The following LNX1 variants were observed in gnomAD, a reference collection of about 807,000 sequenced individuals.
LNX1 encodes E3 ubiquitin-protein ligase LNX.
In LNX1, 54 loss-of-function variants were observed where a neutral mutation model predicts 68.4. The ratio of observed to expected loss-of-function variants is 0.79; its 90% CI spans 0.63 to 0.99. The LOEUF (loss-of-function observed/expected upper bound fraction) is 0.99, where lower values mean the gene tolerates loss of function less well. Among genes scored for constraint, LNX1 ranks in the 50% least tolerant of loss-of-function variants. The pLI, the probability that LNX1 is intolerant of heterozygous loss-of-function variation, is 0.00. For synonymous variants in LNX1, 336 were observed against 350.0 expected, an observed-to-expected ratio of 0.96 and a Z score of 0.45; for missense variants, 906 against 926.4, an observed-to-expected ratio of 0.98 and a Z score of 0.29.
chr4:53,509,719 T>C (rs1410028455), intron 2 of LNX1, among the ~76,000 whole-genome samples: 1 of 152,216 alleles, frequency 6.6e-6, no homozygotes, highest in African/African-American at 2.4e-5. Flanking sequence ...TTTCCATATT[T>C]TGTACATCCT....
intron 2 of LNX1, among the ~76,000 whole-genome samples, chr4:53,528,680 AG>A (rs33929475): frequency 0.71 from 108,078 of 151,458 alleles, 40,763 homozygotes; most frequent in Non-Finnish European, 0.82. Context: ...CCTGTGGATA[AG>A]GGGGGGACTA....
intron 2 of LNX1, among the ~76,000 whole-genome samples, chr4:53,573,298 A>G (rs533240651): frequency 6.6e-6 from 1 of 152,274 alleles, no homozygotes; most frequent in South Asian, 2.1e-4. Flanking sequence ...AAGATGAAAA[A>G]TTTCTAGAGA....
At chr4:53,517,919 CG>C (rs749914732) in intron 2 of LNX1, among the ~76,000 whole-genome samples, 4 of 151,940 alleles carry the variant, frequency 2.6e-5, no homozygotes, top group Non-Finnish European at 4.4e-5. Context: ...GAATGGCCCT[CG>C]CCCCAGAGGA....
At chr4:53,527,382 C>T (rs894370470) in intron 2 of LNX1, among the ~76,000 whole-genome samples, 1 of 152,164 alleles carries the variant, frequency 6.6e-6, no homozygotes, top group Non-Finnish European at 1.5e-5. Flanking sequence ...TGGTGTGATG[C>T]TCCCTATATG....
At chr4:53,565,221 G>GACTTCTGCTGTCTTTGCAGACT (rs1283127286) in intron 2 of LNX1, among the ~76,000 whole-genome samples, 8 of 152,142 alleles carry the variant, frequency 5.3e-5, no homozygotes, top group Non-Finnish European at 1.0e-4. Context: ...AAAGACAGCA[G>GACTTCTGCTGTCTTTGCAGACT]TAACCTCTGC....
intron 2 of LNX1, chr4:53,523,237 A>G (rs190449864): frequency 6.6e-6 from 1 of 152,304 alleles, no homozygotes; most frequent in East Asian, 1.9e-4. Context: ...AGAATGTTCT[A>G]TTTTGAATTG....
rs545667438 is a variant in LNX1, at chr4:53,614,878, T to A, written c.-215+1639A>T. On this transcript the variant is annotated intron_variant, in intron 2 of 3. Coordinates refer to the LNX1 transcript ENST00000504299. ...CCAGGTGCAGGGAGGACTCCAGAGG[T>A]GTGGCCTGACCTCAGAATCTGGCTC... 1.0e-3 allele frequency among the ~76,000 whole-genome samples: 152 copies of A among 152,224 alleles called. 1 individual carries two copies. Among genetic ancestry groups the A allele is most frequent in the Non-Finnish European group, 1.4e-3 (94 of 68,004 alleles).
intron 2 of LNX1, among the ~76,000 whole-genome samples, chr4:53,570,017 G>C (rs1471611811): frequency 2.0e-5 from 3 of 152,190 alleles, no homozygotes; most frequent in African/African-American, 7.2e-5. Flanking sequence ...GGAAAGAACA[G>C]GTGGTGGAGA....
rs1441676944 is a variant in LNX1, at chr4:53,481,821, G to A, written c.1384C>T (p.Arg462Cys). 3.7e-6 allele frequency: 6 copies of A among 1,611,750 alleles called. No individual in the cohort carries two copies. Among genetic ancestry groups the A allele is most frequent in the East Asian group, 2.2e-5 (1 of 44,708 alleles). The change falls in exon 7 of 11, where the codon CGC (arginine) becomes TGC (cysteine). Residue 462 changes from arginine (R) to cysteine (C), a missense_variant. Arg to Cys is a radical substitution (Grantham distance 180). Coordinates refer to ENST00000263925, the MANE Select transcript of LNX1 (RefSeq NM_001126328.3). ...TCAGGGCTCCGCTGCCGAACCTGGC[G>A]GGACACGACGAGGTGAACACGTCTT... ...SERRVHLVVS[R>C]QVRQRSPDIF...
At chr4:53,469,497 G>A (rs1378249792) in intron 9 of LNX1, among the ~76,000 whole-genome samples, 4 of 152,146 alleles carry the variant, frequency 2.6e-5, no homozygotes, top group Non-Finnish European at 4.4e-5. Flanking sequence ...GATCAGAGCA[G>A]AACTGAAGAA....
intron 9 of LNX1, among the ~76,000 whole-genome samples, chr4:53,469,350 G>C (rs1722966054): frequency 6.6e-6 from 1 of 152,142 alleles, no homozygotes; most frequent in Non-Finnish European, 1.5e-5. Flanking sequence ...AGTGTGTAAA[G>C]GGAAATTTAT....
At chr4:53,477,051 G>A in intron 8 of LNX1, 70 bp from the exon 9 acceptor site, 1 of 1,310,422 alleles carries the variant, frequency 7.6e-7, no homozygotes, top group Non-Finnish European at 1.1e-6. Flanking sequence ...AAAGTGCAAG[G>A]GGATAGGGGC....
chr4:53,477,073 G>A, intron 8 of LNX1, 92 bp from the exon 9 acceptor site: 1 of 1,074,454 alleles, frequency 9.3e-7, no homozygotes, highest in East Asian at 2.4e-5. Context: ...GACTGGGATT[G>A]CAGGGATGCA....
chr4:53,532,604 T>C (rs1433610849), intron 2 of LNX1, among the ~76,000 whole-genome samples: 2 of 152,192 alleles, frequency 1.3e-5, no homozygotes, highest in Admixed American at 6.5e-5. Context: ...ATTTTGATAG[T>C]CCCCATAGGA....
At chr4:53,593,565 G>A (rs1007033245), upstream of LNX1, among the ~76,000 whole-genome samples, 1 of 152,136 alleles carries the variant, frequency 6.6e-6, no homozygotes, top group Non-Finnish European at 1.5e-5. Context: ...CAGGTATAGT[G>A]TATAAAGGAA....
chr4:53,639,169 A>G (rs1734585941), intron 1 of LNX1, among the ~76,000 whole-genome samples: 1 of 152,162 alleles, frequency 6.6e-6, no homozygotes, highest in Non-Finnish European at 1.5e-5. Flanking sequence ...GAACAAAATC[A>G]TGTCCTTTGC....
At chr4:53,500,752 G>A (rs1431776790) in intron 4 of LNX1, among the ~76,000 whole-genome samples, 1 of 152,144 alleles carries the variant, frequency 6.6e-6, no homozygotes, top group Non-Finnish European at 1.5e-5. Flanking sequence ...AACAGTACTC[G>A]GGTGATTGAG....
chr4:53,617,971 T>A (rs1459109605), upstream of LNX1, among the ~76,000 whole-genome samples: 1 of 152,214 alleles, frequency 6.6e-6, no homozygotes, highest in African/African-American at 2.4e-5. Context: ...TTATTTTCTC[T>A]AGTAGTGTGG....
intron 1 of LNX1, chr4:53,579,343 G>A: frequency 2.4e-6 from 2 of 818,994 alleles, no homozygotes; most frequent in Non-Finnish European, 2.9e-6. Flanking sequence ...TTCTGATCTG[G>A]AATAGGACAG....
Sources: gnomAD v4.1 joint callset for allele counts (sites outside exome capture counted in the v4.1 genomes callset) on GRCh38, gnomAD v4.1.1 for gene constraint, MANE v1.5 for transcripts, NCBI Gene and HGNC (gene_info 2026-07-23, HGNC 2026-07-21) for gene names.